The following PTBP1 variants were observed in gnomAD, a reference collection of about 807,000 sequenced individuals.
The protein encoded by PTBP1 is polypyrimidine tract binding protein 1.
In PTBP1, 8 loss-of-function variants were observed where a neutral mutation model predicts 59.8. That is an observed-to-expected ratio of 0.13 (90% CI 0.08 to 0.24). PTBP1 has a LOEUF of 0.24. PTBP1 is among the 10% of genes least tolerant of loss of function. PTBP1 has a pLI of 1.00. For missense variants in PTBP1, 686 were observed against 767.0 expected (o/e 0.89, Z 1.25); for synonymous variants, 490 against 320.7 (o/e 1.53, Z -5.64).
At chr19:809,995 T>A (rs1299693546) in intron 13 of PTBP1, among the ~76,000 whole-genome samples, 2 of 152,204 alleles carry the variant, frequency 1.3e-5, no homozygotes, top group East Asian at 3.8e-4. Context: ...AACACGTTAC[T>A]TGTGAAATGT....
In PTBP1 at chr19:811,355, C is replaced by CGCCCCCAGGGCCTTCCCTTCT. The variant is rs978663969; in HGVS notation, c.*539_*559dup. On this transcript the variant is annotated 3_prime_UTR_variant, in exon 15 of 15. Coordinates refer to ENST00000356948, the MANE Select transcript of PTBP1 (RefSeq NM_002819.5). ...AAGTCACGTGATTCTCCCTTCACCC[C>CGCCCCCAGGGCCTTCCCTTCT]GCCCCCAGGGCCTTCCCTTCTGCCC... is the stretch of plus-strand genomic sequence containing the variant. The CGCCCCCAGGGCCTTCCCTTCT allele has an allele frequency of 6.6e-6, 1 of 152,440 alleles. No homozygotes were observed. The highest frequency in any genetic ancestry group is 2.4e-5 in the African/African-American group (1 of 41,446). 9.4% of individuals were successfully genotyped at this position (152,440 alleles called of 1,614,324 possible).
chr19:810,066 G>A (rs527753813), intron 13 of PTBP1, among the ~76,000 whole-genome samples: 12 of 152,298 alleles, frequency 7.9e-5, no homozygotes, highest in African/African-American at 1.9e-4. Flanking sequence ...CAGCACTTTA[G>A]GAGGCCGAGG....
chr19:808,402 A>G lies in PTBP1; in HGVS notation c.1196A>G (p.Lys399Arg), dbSNP rs2034676611. The change falls in exon 12 of 15, where the codon AAG becomes AGG. Residue 399 changes from lysine (K) to arginine (R), a missense_variant. By Grantham distance (26) the Lys-to-Arg change is conservative (BLOSUM62 2). Transcript: ENST00000356948. The surrounding 1 kb of genome is among the most constrained non-coding windows in gnomAD (Gnocchi z 4.7). Reference sequence around the variant, plus strand: ...CAGCGCGTGAAGATCCTGTTCAATAAGAAGGAGAACGCCCTAGTGCAGATG... The same window carrying G: ...CAGCGCGTGAAGATCCTGTTCAATAGGAAGGAGAACGCCCTAGTGCAGATG... ...DVQRVKILFN[K>R]KENALVQMAD... is the part of the protein sequence containing the mutation. The G allele has an allele frequency of 1.3e-5, 21 of 1,607,376 alleles. No individual in the cohort carries two copies. Among genetic ancestry groups the G allele is most frequent in the Non-Finnish European group, 1.8e-5 (21 of 1,178,060 alleles).
In PTBP1 at chr19:801,826, C is replaced by T. The variant is rs111228650; in HGVS notation, c.40-1735C>T. ...TTCCACCTGAGGCGGCTGGCTCTGA[C>T]CCCTTTCCCCTGGGCCTGCGCAGCC... On this transcript the variant is annotated intron_variant, in intron 2 of 14. Coordinates refer to ENST00000356948, the MANE Select transcript of PTBP1 (RefSeq NM_002819.5). Among the ~76,000 whole-genome samples, 4 of 152,282 alleles carry T rather than the reference C, an allele frequency of 2.6e-5. No homozygotes were observed. In the East Asian group the frequency reaches 5.8e-4, roughly 22 times the overall value.
chr19:806,610 ATGT>A (rs2034591446), intron 10 of PTBP1, 54 bp downstream of exon 10: 30 of 1,440,664 alleles, frequency 2.1e-5, no homozygotes, highest in African/African-American at 6.0e-5. Flanking sequence ...CGAGCAGGGG[ATGT>A]TGTGCTCGGG....
Position 810,552 on chromosome 19 carries a change from C to T in PTBP1, c.1473C>T (p.Val491=), listed in dbSNP as rs1227625623. 1.2e-6 allele frequency: 2 copies of T among 1,613,424 alleles called. No individual in the cohort carries two copies. The highest frequency in any genetic ancestry group is 1.3e-5 in the African/African-American group (1 of 74,906). The change falls in exon 14 of 15, where the codon GTC becomes GTT. Residue 491 remains valine, a synonymous_variant. Coordinates refer to ENST00000356948, the MANE Select transcript of PTBP1 (RefSeq NM_002819.5). Reference sequence around the variant, plus strand: ...CTTTCTCCTCCCACAGGCCCTCAGTCTCCGAGGAGGATCTCAAGGTCCTGT... The same window carrying T: ...CTTTCTCCTCCCACAGGCCCTCAGTTTCCGAGGAGGATCTCAAGGTCCTGT... ...TLHLSNIPPS[V]SEEDLKVLFS...
At chr19:799,370 G>C (rs1351411533) in intron 1 of PTBP1, 43 bp from the exon 2 acceptor site, 11 of 1,602,610 alleles carry the variant, frequency 6.9e-6, no homozygotes, top group Non-Finnish European at 8.5e-6. Flanking sequence ...CTGCTGCTGA[G>C]TGGCCACCAG....
intron 2 of PTBP1, among the ~76,000 whole-genome samples, chr19:801,364 G>T (rs762985740): frequency 2.0e-5 from 3 of 152,236 alleles, no homozygotes; most frequent in Non-Finnish European, 4.4e-5. Context: ...GAGCCAAGCC[G>T]GCCTGTGCCG....
chr19:810,592 G>C lies in PTBP1; in HGVS notation c.1513G>C (p.Gly505Arg). 1 of 1,613,776 alleles carries C rather than the reference G, an allele frequency of 6.2e-7. No homozygotes were observed. The highest frequency in any genetic ancestry group is 8.5e-7 in the Non-Finnish European group (1 of 1,179,902). ...DLKVLFSSNG[G>R]VVKGFKFFQK... ...CAAGGTCCTGTTTTCCAGCAATGGG[G>C]GCGTCGTCAAAGGATTCAAGTTCTT... Residue 505 changes from glycine (G) to arginine (R), a missense_variant, in exon 14 of 15, where the codon GGC becomes CGC. Gly to Arg is a moderately radical substitution (Grantham distance 125). Transcript: ENST00000356948.
rs1390069113 is a variant in PTBP1 at position 811,527 on chromosome 19, A to C, written c.*701A>C. On this transcript the variant is annotated 3_prime_UTR_variant, in exon 15 of 15. Transcript: ENST00000356948. ...TTTTTCATTTATATGCAAAAGAAAT[A>C]GTTTTAAGTAACTTTTTATAGCAAG... 1 of 152,184 alleles carries C rather than the reference A, an allele frequency of 6.6e-6. No individual in the cohort carries two copies. The highest frequency in any genetic ancestry group is 6.5e-5 in the Admixed American group (1 of 15,282). 9.4% of individuals were successfully genotyped at this position (152,184 alleles called of 1,614,324 possible).
rs755398240 is a variant in PTBP1 at position 803,600 on chromosome 19, G to C, written c.79G>C (p.Gly27Arg). Residue 27 changes from glycine to arginine, a missense_variant, in exon 3 of 15, where the codon GGA (glycine) becomes CGA (arginine). Physicochemically the swap from Gly to Arg is moderately radical, Grantham distance 125. Transcript: ENST00000356948. ...DELFSTCVTNGPFIMSSNSAS... is the reference protein window; with the variant it reads ...DELFSTCVTNRPFIMSSNSAS... ...GCTTTTCTCTACTTGTGTCACTAAC[G>C]GACCGTTTATCATGAGCAGCAACTC... 1 of 1,614,154 alleles carries C rather than the reference G, an allele frequency of 6.2e-7. No homozygotes were observed. The highest frequency in any genetic ancestry group is 1.7e-5 in the Admixed American group (1 of 60,026).
intron 2 of PTBP1, among the ~76,000 whole-genome samples, chr19:801,921 G>A (rs2034353797): frequency 6.6e-6 from 1 of 152,184 alleles, no homozygotes; most frequent in South Asian, 2.1e-4. Context: ...TTCAGTATTT[G>A]GCTTCATCTG....
chr19:802,724 C>G (rs529664463), intron 2 of PTBP1, among the ~76,000 whole-genome samples: 1 of 152,362 alleles, frequency 6.6e-6, no homozygotes, highest in South Asian at 2.1e-4. Flanking sequence ...CCAACGTCTC[C>G]TCCAATTTCA....
At chr19:799,367 T>C (rs529394556) in intron 1 of PTBP1, 46 bp from the exon 2 acceptor site, 6 of 1,595,108 alleles carry the variant, frequency 3.8e-6, no homozygotes, top group African/African-American at 1.3e-5. Flanking sequence ...CTCCTGCTGC[T>C]GAGTGGCCAC....
At chr19:805,419 C>T (rs940529470) in intron 8 of PTBP1, 73 bp from the exon 9 acceptor site, 8 of 1,451,658 alleles carry the variant, frequency 5.5e-6, no homozygotes, top group Non-Finnish European at 7.7e-6. Flanking sequence ...CGGGTTGGGG[C>T]CCATCCCGCA....
intron 2 of PTBP1, 110 bp from the exon 3 acceptor site, chr19:803,451 T>C (rs1391043974): frequency 1.8e-5 from 16 of 865,302 alleles, no homozygotes; most frequent in Non-Finnish European, 2.9e-5. Flanking sequence ...TGGGTATGGG[T>C]TGGGGGTCTG....
At chr19:809,032 G>A (rs538645836) in intron 13 of PTBP1, among the ~76,000 whole-genome samples, 6 of 152,218 alleles carry the variant, frequency 3.9e-5, no homozygotes, top group Non-Finnish European at 8.8e-5. Context: ...TTTTTGAGGC[G>A]AAGTCTTGCT....
chr19:807,796 G>A, intron 10 of PTBP1, 73 bp from the exon 11 acceptor site: 3 of 1,196,896 alleles, frequency 2.5e-6, no homozygotes, highest in Non-Finnish European at 3.7e-6. Flanking sequence ...TCGTGTGGAC[G>A]ATTGGCAACT....
At chr19:803,412 C>G in intron 2 of PTBP1, 149 bp from the exon 3 acceptor site, 1 of 676,812 alleles carries the variant, frequency 1.5e-6, no homozygotes, top group Non-Finnish European at 2.6e-6. Flanking sequence ...GGTCTGCGCT[C>G]AGGCTGCCCT....
Sources: allele counts gnomAD v4.1 joint callset (sites outside exome capture counted in the v4.1 genomes callset), GRCh38; gene constraint gnomAD v4.1.1; non-coding constraint Gnocchi (gnomAD v3.1); transcripts MANE v1.5; gene names NCBI Gene and HGNC (gene_info 2026-07-23, HGNC 2026-07-21).